BMPR1B: variants seen among roughly 807,000 people sequenced by gnomAD.
BMPR1B encodes bone morphogenetic protein receptor type-1B.
A neutral mutation model predicts 59.1 loss-of-function variants in BMPR1B; 12 were observed. That is an observed-to-expected ratio of 0.20 (90% confidence interval 0.13 to 0.33). BMPR1B has a LOEUF of 0.33. Ranked by LOEUF, BMPR1B falls within the 10% of genes least tolerant of loss-of-function variation. The pLI, the probability that BMPR1B is intolerant of heterozygous loss-of-function variation, is 1.00. For synonymous variants in BMPR1B, 237 were observed against 207.3 expected (o/e 1.14, Z -1.23); for missense variants, 550 against 610.9 (o/e 0.90, Z 1.05).
chr4:95,086,771 C>T (rs902175735), intron 3 of BMPR1B, among the ~76,000 whole-genome samples: 1 of 152,134 alleles, frequency 6.6e-6, no homozygotes, highest in East Asian at 1.9e-4. Context: ...GTAGAGAGAT[C>T]AGATTCCAGG....
At chr4:94,873,317 G>C (rs1197566039) in intron 1 of BMPR1B, among the ~76,000 whole-genome samples, 2 of 151,914 alleles carry the variant, frequency 1.3e-5, no homozygotes, top group East Asian at 1.9e-4. Context: ...TCATCGTTTG[G>C]AGATGACTTT....
chr4:95,103,931 G>A (rs1731000320), intron 3 of BMPR1B, among the ~76,000 whole-genome samples: 2 of 151,820 alleles, frequency 1.3e-5, no homozygotes, highest in East Asian at 3.9e-4. Context: ...AGTACCTAAA[G>A]TAGAGAGACT....
chr4:95,091,097 G>A (rs1729945667), intron 3 of BMPR1B, among the ~76,000 whole-genome samples: 1 of 151,884 alleles, frequency 6.6e-6, no homozygotes. Context: ...GAATGTCAAA[G>A]GATATTATAA....
At chr4:94,817,445 T>G (rs1724052195) in intron 1 of BMPR1B, among the ~76,000 whole-genome samples, 1 of 152,212 alleles carries the variant, frequency 6.6e-6, no homozygotes, top group African/African-American at 2.4e-5. Flanking sequence ...TTTCCTGCTT[T>G]GATGAGTTCA....
At chr4:95,092,764 T>C (rs1730085063) in intron 3 of BMPR1B, among the ~76,000 whole-genome samples, 1 of 135,800 alleles carries the variant, frequency 7.4e-6, no homozygotes, top group South Asian at 2.6e-4. Flanking sequence ...ATTTGGTTTC[T>C]GGTTTGTCTG....
In BMPR1B at chr4:94,951,405, G is replaced by A. The variant is rs536562745; in HGVS notation, c.-112-44635G>A. Among the ~76,000 whole-genome samples, 3 of 152,310 alleles carry A rather than the reference G, an allele frequency of 2.0e-5. No homozygotes were observed. The South Asian group carries it at 6.2e-4, about 32-fold the overall frequency. ...GCCCATTCAGTATGATATTGGCTGT[G>A]AGGTTGTCACAAATAGCTCTTATTA... On this transcript the variant is annotated intron_variant, in intron 2 of 12. Transcript: ENST00000515059.
intron 1 of BMPR1B, among the ~76,000 whole-genome samples, chr4:94,799,236 G>A (rs1055013223): frequency 1.3e-5 from 2 of 149,890 alleles, no homozygotes; most frequent in African/African-American, 4.9e-5. Flanking sequence ...GCCGGGCTGC[G>A]TAGAATTCAC....
intron 2 of BMPR1B, among the ~76,000 whole-genome samples, chr4:94,949,325 T>A (rs1404996900): frequency 3.4e-3 from 139 of 40,600 alleles, no homozygotes; most frequent in African/African-American, 5.5e-3. Context: ...TTTTTTTTTT[T>A]TTGAGACGGA....
rs1724819139 is a variant in BMPR1B at position 95,031,168 on chromosome 4, CAGAGAT to C, written c.-18+35040_-18+35045del. 2.6e-5 allele frequency among the ~76,000 whole-genome samples: 4 copies of C among 152,272 alleles called. No homozygotes were observed. In the South Asian group the frequency reaches 8.3e-4, roughly 32 times the overall value. On this transcript the variant is annotated intron_variant, in intron 3 of 12. Coordinates refer to ENST00000515059, the MANE Select transcript of BMPR1B (RefSeq NM_001203.3). Reference sequence around the variant, plus strand: ...AAACAGCATGGTACTGGTACCAAAACAGAGATAGAGAACAGAAACATTTTCTTAATC... The same window carrying C: ...AAACAGCATGGTACTGGTACCAAAACAGAGAACAGAAACATTTTCTTAATC...
chr4:94,803,353 A>G (rs1314527548), intron 1 of BMPR1B, among the ~76,000 whole-genome samples: 1 of 152,154 alleles, frequency 6.6e-6, no homozygotes, highest in Non-Finnish European at 1.5e-5. Flanking sequence ...AAAACTCTGT[A>G]TCTCCTCTGC....
At chr4:95,154,500 G>A (rs978992796) in intron 12 of BMPR1B, 48 bp from the exon 13 acceptor site, 1 of 1,613,072 alleles carries the variant, frequency 6.2e-7, no homozygotes, top group Non-Finnish European at 8.5e-7. Context: ...ATTGTAACAG[G>A]TGCCAGCCTT....
intron 3 of BMPR1B, among the ~76,000 whole-genome samples, chr4:95,078,465 G>A (rs552974662): frequency 1.1e-4 from 16 of 152,212 alleles, no homozygotes; most frequent in African/African-American, 3.4e-4. Flanking sequence ...TACTAAGTGC[G>A]TTATATCATA....
At chr4:94,883,558 CTT>C (rs1431113852) in intron 2 of BMPR1B, among the ~76,000 whole-genome samples, 3 of 151,722 alleles carry the variant, frequency 2.0e-5, no homozygotes, top group African/African-American at 4.8e-5. Context: ...TCATTAATAA[CTT>C]AATTTGTTTT....
chr4:94,918,458 C>A (rs1305259253), intron 2 of BMPR1B, among the ~76,000 whole-genome samples: 1 of 152,112 alleles, frequency 6.6e-6, no homozygotes, highest in Non-Finnish European at 1.5e-5. Flanking sequence ...GTGAAGATCA[C>A]TTGAGTCTAG....
intron 2 of BMPR1B, among the ~76,000 whole-genome samples, chr4:94,891,853 C>T (rs1727408289): frequency 6.6e-6 from 1 of 152,030 alleles, no homozygotes. Flanking sequence ...TTCATTCATT[C>T]AGCATTTATA....
intron 2 of BMPR1B, among the ~76,000 whole-genome samples, chr4:94,975,363 GTTTTT>G (rs763655134): frequency 9.0e-6 from 1 of 111,638 alleles, no homozygotes; most frequent in East Asian, 3.2e-4. Flanking sequence ...TTTTGTTTTT[GTTTTT>G]TTTTTTTTTT....
chr4:94,907,826 C>T (rs1172900555), intron 2 of BMPR1B, among the ~76,000 whole-genome samples: 1 of 151,398 alleles, frequency 6.6e-6, no homozygotes. Flanking sequence ...TTTAATACTC[C>T]TTTTTCTATC....
At chr4:94,798,376 C>T (rs1723275109) in intron 1 of BMPR1B, among the ~76,000 whole-genome samples, 1 of 152,180 alleles carries the variant, frequency 6.6e-6, no homozygotes, top group Non-Finnish European at 1.5e-5. Flanking sequence ...AAATGTGTCC[C>T]ACAGCTCTCA....
intron 3 of BMPR1B, among the ~76,000 whole-genome samples, chr4:95,099,126 A>T (rs896958889): frequency 6.6e-6 from 1 of 152,224 alleles, no homozygotes. Context: ...AACATAACAC[A>T]TGAAAACATG....
Sources: allele counts gnomAD v4.1 joint callset (sites outside exome capture counted in the v4.1 genomes callset), GRCh38; gene constraint gnomAD v4.1.1; transcripts MANE v1.5; gene names NCBI Gene and HGNC (gene_info 2026-07-23, HGNC 2026-07-21).